The following B3GAT2 variants were observed in gnomAD, a reference collection of about 807,000 sequenced individuals.
B3GAT2 encodes galactosylgalactosylxylosylprotein 3-beta-glucuronosyltransferase 2.
In B3GAT2, 26 loss-of-function variants were observed where a neutral mutation model predicts 27.8. The observed-to-expected ratio is 0.93, with a 90% CI of 0.68 to 1.30. B3GAT2 has a LOEUF of 1.30. B3GAT2 is among the 50% of genes most tolerant of loss of function. The pLI is 0.00. For synonymous variants in B3GAT2, 218 were observed against 195.1 expected, an observed-to-expected ratio of 1.12 and a Z score of -0.98; for missense variants, 458 against 459.0, an observed-to-expected ratio of 1.00 and a Z score of 0.02.
At chr6:70,888,618 C>CAA (rs1197270577) in intron 2 of B3GAT2, among the ~76,000 whole-genome samples, 1 of 152,170 alleles carries the variant, frequency 6.6e-6, no homozygotes, top group Non-Finnish European at 1.5e-5. Context: ...ACACTGCCAA[C>CAA]ATGTGGTTCT....
intron 1 of B3GAT2, among the ~76,000 whole-genome samples, chr6:70,946,242 T>C (rs565036813): frequency 1.3e-5 from 2 of 152,058 alleles, no homozygotes; most frequent in South Asian, 2.1e-4. Context: ...TAAATGTAAA[T>C]GGACTAAATG....
chr6:70,916,472 GT>G (rs1277007499), intron 1 of B3GAT2, among the ~76,000 whole-genome samples: 4 of 152,132 alleles, frequency 2.6e-5, no homozygotes, highest in African/African-American at 9.7e-5. Flanking sequence ...TCCTTGTCTT[GT>G]GCCAGTTTTC....
At position 70,860,579 on chromosome 6, in the gene B3GAT2, A is replaced by G; in HGVS notation, c.*1084T>C. The G allele has an allele frequency of 6.9e-6, 3 of 436,586 alleles. No homozygotes were observed. The highest frequency in any genetic ancestry group is 1.2e-5 in the Non-Finnish European group (3 of 251,618). 27.0% of individuals were successfully genotyped at this position (436,586 alleles called of 1,614,324 possible). ...TTCCCATGATTTCATGTACTGCATT[A>G]TTTGAGAAGCTGCTCAACTTGCAAA... On this transcript the variant is annotated 3_prime_UTR_variant, in exon 4 of 4. Coordinates refer to ENST00000230053, the MANE Select transcript of B3GAT2 (RefSeq NM_080742.3).
chr6:70,936,668 A>T (rs1289069542), intron 1 of B3GAT2, among the ~76,000 whole-genome samples: 7 of 152,172 alleles, frequency 4.6e-5, no homozygotes, highest in African/African-American at 1.7e-4. Context: ...GTACATAACG[A>T]AATGAAGGCA....
chr6:70,894,368 G>A (rs1246842196), intron 1 of B3GAT2, 96 bp from the exon 2 acceptor site: 1 of 1,326,838 alleles, frequency 7.5e-7, no homozygotes, highest in Admixed American at 2.5e-5. Context: ...GCTGGTAGTG[G>A]TGTAAGATTT....
chr6:70,948,032 C>G lies in B3GAT2; in HGVS notation c.591+7807G>C, dbSNP rs13202347. Among the ~76,000 whole-genome samples the G allele has an allele frequency of 1.3e-3, 196 of 152,000 alleles. 1 individual carries two copies. In the Middle Eastern group the frequency reaches 0.014, roughly 11 times the overall value. ...AAGGCCTTTGACAAAATTCAACAAC[C>G]CTTCATGCTAAAAATTCTCAATAAA... On this transcript the variant is annotated intron_variant, in intron 1 of 3. Transcript: ENST00000230053.
At chr6:70,878,630 T>A (rs1284215967) in intron 2 of B3GAT2, among the ~76,000 whole-genome samples, 1 of 152,190 alleles carries the variant, frequency 6.6e-6, no homozygotes, top group Admixed American at 6.5e-5. Flanking sequence ...GTGGTTATCA[T>A]GTTTGGTTTT....
chr6:70,877,275 G>A (rs1187333550), intron 2 of B3GAT2, among the ~76,000 whole-genome samples: 2 of 152,150 alleles, frequency 1.3e-5, no homozygotes, highest in Non-Finnish European at 1.5e-5. Flanking sequence ...TGCAGGCCTG[G>A]ACACTGGGAC....
chr6:70,921,016 T>C (rs1313264444), intron 1 of B3GAT2, among the ~76,000 whole-genome samples: 2 of 152,242 alleles, frequency 1.3e-5, no homozygotes, highest in African/African-American at 4.8e-5. Flanking sequence ...TCGGAATCCC[T>C]TTGTAGGTGA....
chr6:70,950,976 G>A (rs898483785), intron 1 of B3GAT2, among the ~76,000 whole-genome samples: 3 of 152,052 alleles, frequency 2.0e-5, no homozygotes, highest in African/African-American at 7.2e-5. Flanking sequence ...CTGTGCTTTG[G>A]AGATGTATTC....
chr6:70,916,365 C>G (rs1772774319), intron 1 of B3GAT2, among the ~76,000 whole-genome samples: 1 of 152,160 alleles, frequency 6.6e-6, no homozygotes, highest in African/African-American at 2.4e-5. Flanking sequence ...TTGACTTCCT[C>G]TTTTCCTAAT....
intron 2 of B3GAT2, among the ~76,000 whole-genome samples, chr6:70,889,506 T>C (rs1562219604): frequency 2.0e-5 from 3 of 152,114 alleles, no homozygotes; most frequent in African/African-American, 4.8e-5. Context: ...AAGCTGGTGA[T>C]AGGCCGTAGG....
intron 2 of B3GAT2, among the ~76,000 whole-genome samples, chr6:70,892,732 A>C (rs1772311968): frequency 6.6e-6 from 1 of 152,168 alleles, no homozygotes. Flanking sequence ...TGTTGTCTAA[A>C]TTTTCTGCTC....
At position 70,859,289 on chromosome 6, in the gene B3GAT2, G is replaced by C; in HGVS notation, c.*2374C>G. ...ACACCCAGCTCAGGTTAAGGTGCTA[G>C]ATGAACCAGGAAGGAGTTAATACTG... is the stretch of plus-strand genomic sequence containing the variant. On this transcript the variant is annotated 3_prime_UTR_variant, in exon 4 of 4. Transcript: ENST00000230053. 6.9e-7 allele frequency: 1 copy of C among 1,456,730 alleles called. No individual in the cohort carries two copies. The highest frequency in any genetic ancestry group is 9.3e-7 in the Non-Finnish European group (1 of 1,074,100). The allele number at this position is 1,456,730 out of a possible 1,614,324, so 90.2% of individuals were successfully genotyped here.
chr6:70,876,806 A>G (rs1301882822), intron 2 of B3GAT2, among the ~76,000 whole-genome samples: 2 of 152,198 alleles, frequency 1.3e-5, no homozygotes, highest in African/African-American at 2.4e-5. Context: ...TAGTTTAATT[A>G]GAAGAACAGA....
chr6:70,906,317 C>A (rs1439640268), intron 1 of B3GAT2, among the ~76,000 whole-genome samples: 1 of 152,074 alleles, frequency 6.6e-6, no homozygotes, highest in African/African-American at 2.4e-5. Context: ...CACGACCACA[C>A]ACATACCTAG....
chr6:70,931,343 GAA>G (rs1276468025), intron 1 of B3GAT2, among the ~76,000 whole-genome samples: 3 of 150,508 alleles, frequency 2.0e-5, no homozygotes, highest in Non-Finnish European at 4.4e-5. Context: ...AATAAAAAAA[GAA>G]AAAAAAAGAG....
chr6:70,956,372 T>C lies in B3GAT2; in HGVS notation c.58A>G (p.Ile20Val), dbSNP rs1765658634. ...CGCGTGTCCACGTCGAGCATGATGA[T>C]GACAATTAGGATCCAGGGCAGGAGG... ...FILLPWILIV[I>V]IMLDVDTRRP... Residue 20 changes from isoleucine (I) to valine (V), a missense_variant, in exon 1 of 4, where the codon ATC becomes GTC. By Grantham distance (29) the Ile-to-Val change is conservative. Coordinates refer to ENST00000230053, the MANE Select transcript of B3GAT2 (RefSeq NM_080742.3). 6.4e-7 allele frequency: 1 copy of C among 1,559,120 alleles called. No individual in the cohort carries two copies. The highest frequency in any genetic ancestry group is 2.4e-5 in the East Asian group (1 of 41,642).
At chr6:70,891,748 T>TTGTGTGTGTGTGTGTG (rs147352529) in intron 2 of B3GAT2, among the ~76,000 whole-genome samples, 3 of 144,748 alleles carry the variant, frequency 2.1e-5, no homozygotes, top group South Asian at 2.3e-4. Context: ...AGAGCTCAGA[T>TTGTGTGTGTGTGTGTG]TGTGTGTGTG....
Sources: allele counts gnomAD v4.1 joint callset (sites outside exome capture counted in the v4.1 genomes callset), GRCh38; gene constraint gnomAD v4.1.1; transcripts MANE v1.5; gene names NCBI Gene and HGNC (gene_info 2026-07-23, HGNC 2026-07-21).